The following TPST1 variants were observed in gnomAD, a reference collection of about 807,000 sequenced individuals.
TPST1 encodes tyrosylprotein sulfotransferase 1, also known as protein-tyrosine sulfotransferase 1.
In TPST1, 20 loss-of-function variants were observed where a neutral mutation model predicts 34.8. The observed-to-expected ratio is 0.57, with a 90% confidence interval of 0.40 to 0.84. The LOEUF (loss-of-function observed/expected upper bound fraction) is 0.84. TPST1 is among the 40% of genes least tolerant of loss of function. TPST1 has a pLI of 0.00. For missense variants in TPST1, 353 were observed against 455.5 expected (o/e 0.78, Z 2.05); for synonymous variants, 152 against 159.4 (o/e 0.95, Z 0.35).
chr7:66,358,033 G>A (rs980428945), intron 5 of TPST1, among the ~76,000 whole-genome samples: 32 of 152,152 alleles, frequency 2.1e-4, no homozygotes, highest in African/African-American at 6.5e-4. Context: ...ACAGTAAGCC[G>A]AAATCGTGCC....
At chr7:66,219,595 A>T (rs1361407415) in intron 1 of TPST1, among the ~76,000 whole-genome samples, 1 of 152,228 alleles carries the variant, frequency 6.6e-6, no homozygotes. Flanking sequence ...TGAGGTGGTC[A>T]TGATAGGACA....
chr7:66,351,979 A>G (rs1166696039), intron 3 of TPST1, among the ~76,000 whole-genome samples: 1 of 152,212 alleles, frequency 6.6e-6, no homozygotes, highest in East Asian at 1.9e-4. Context: ...GTTTTTAATT[A>G]TAAGATTTTA....
intron 2 of TPST1, among the ~76,000 whole-genome samples, chr7:66,248,745 C>T (rs1439173639): frequency 1.3e-5 from 2 of 152,068 alleles, no homozygotes; most frequent in East Asian, 1.9e-4. Context: ...GATCTCCTGA[C>T]CTCATGATCC....
rs775282392 is a variant in TPST1 at position 66,359,969 on chromosome 7, T to C, written c.*104T>C. The stretch of plus-strand genomic sequence containing the variant: ...CCCCTGCCAAGCTTGGTGGAGCGTC[T>C]GCACCTTGGCTGCGCCGCCTGTGCA... On this transcript the variant is annotated 3_prime_UTR_variant, in exon 6 of 6. Coordinates refer to ENST00000304842, the MANE Select transcript of TPST1 (RefSeq NM_003596.4). 3.1e-5 allele frequency: 14 copies of C among 456,586 alleles called. No individual in the cohort carries two copies. In the Middle Eastern group the frequency reaches 3.2e-3, roughly 105 times the overall value. The allele number at this position is 456,586 out of a possible 1,614,324, so 28.3% of individuals were successfully genotyped here.
At position 66,240,889 on chromosome 7, in the gene TPST1, A is replaced by C; in HGVS notation, c.464A>C (p.Tyr155Ser). The change falls in exon 2 of 6, where the codon TAT (tyrosine) becomes TCT (serine). Residue 155 changes from tyrosine (Y) to serine (S), a missense_variant. Transcript: ENST00000304842. ...IIVKHGEPAP[Y>S]LCNKDPFALK... ...GTTAAGCATGGGGAGCCAGCCCCTT[A>C]TTTATGTAATAAAGATCCTTTTGCC... 1 of 1,614,186 alleles carries C rather than the reference A, an allele frequency of 6.2e-7. No homozygotes were observed. Among genetic ancestry groups the C allele is most frequent in the Non-Finnish European group, 8.5e-7 (1 of 1,180,036 alleles).
intron 3 of TPST1, among the ~76,000 whole-genome samples, chr7:66,301,153 A>G (rs1156636740): frequency 6.6e-6 from 1 of 152,204 alleles, no homozygotes; most frequent in Non-Finnish European, 1.5e-5. Context: ...AGGTCTCAAC[A>G]GTGGGCTGAA....
chr7:66,285,590 C>A (rs1352138144), intron 2 of TPST1, among the ~76,000 whole-genome samples: 1 of 152,092 alleles, frequency 6.6e-6, no homozygotes, highest in African/African-American at 2.4e-5. Context: ...AGGTTATATT[C>A]TTAATTAAAA....
At position 66,229,698 on chromosome 7, in the gene TPST1, G is replaced by A. The variant is rs374854629; in HGVS notation, c.-101-10627G>A. ...TATATTTACATTTATTGGACTCTGC[G>A]AAACTCTTTTTCACAGTAGATATAT... On this transcript the variant is annotated intron_variant, in intron 1 of 5. Transcript: ENST00000304842. 6.4e-4 allele frequency among the ~76,000 whole-genome samples: 97 copies of A among 152,260 alleles called. No individual in the cohort carries two copies. The South Asian group carries it at 0.019, about 29-fold the overall frequency.
At chr7:66,345,489 CAAAAAAAA>C (rs58837242) in intron 3 of TPST1, among the ~76,000 whole-genome samples, 1 of 64,862 alleles carries the variant, frequency 1.5e-5, no homozygotes, top group Non-Finnish European at 2.7e-5. Flanking sequence ...ACTCCATCTC[CAAAAAAAA>C]AAAAAAAAAA....
chr7:66,300,664 G>A (rs1791295956), intron 3 of TPST1, among the ~76,000 whole-genome samples: 2 of 152,048 alleles, frequency 1.3e-5, no homozygotes, highest in South Asian at 2.1e-4. Flanking sequence ...ATCTTGACAG[G>A]GCCAGGTGCA....
intron 2 of TPST1, among the ~76,000 whole-genome samples, chr7:66,251,022 G>T (rs1356923309): frequency 6.6e-6 from 1 of 152,148 alleles, no homozygotes; most frequent in Non-Finnish European, 1.5e-5. Flanking sequence ...CTTATGAGTT[G>T]TTTATTTCTG....
intron 1 of TPST1, among the ~76,000 whole-genome samples, chr7:66,214,680 G>C (rs928495660): frequency 6.6e-6 from 1 of 150,732 alleles, no homozygotes; most frequent in African/African-American, 2.4e-5. Flanking sequence ...AGCATGGCAT[G>C]GCGGCACACA....
chr7:66,318,087 G>A (rs1791671343), intron 3 of TPST1, among the ~76,000 whole-genome samples: 1 of 152,098 alleles, frequency 6.6e-6, no homozygotes, highest in Admixed American at 6.6e-5. Context: ...TGAACCTGGA[G>A]GCAGAGGTTA....
At chr7:66,269,907 C>T (rs894629982) in intron 2 of TPST1, among the ~76,000 whole-genome samples, 3 of 151,766 alleles carry the variant, frequency 2.0e-5, no homozygotes, top group East Asian at 1.9e-4. Flanking sequence ...ATGTATCCTA[C>T]GGTCTCATGG....
upstream of TPST1, among the ~76,000 whole-genome samples, chr7:66,201,601 G>C (rs1222255015): frequency 1.3e-5 from 2 of 151,864 alleles, no homozygotes; most frequent in Admixed American, 1.3e-4. Context: ...TGATGCAGGA[G>C]AATTGCTTGA....
At chr7:66,316,084 T>TG (rs1791627578) in intron 3 of TPST1, among the ~76,000 whole-genome samples, 1 of 149,666 alleles carries the variant, frequency 6.7e-6, no homozygotes, top group South Asian at 2.1e-4. Flanking sequence ...CACTCCAGCC[T>TG]GGGCAACAAG....
intron 1 of TPST1, among the ~76,000 whole-genome samples, chr7:66,217,035 T>G (rs73140261): frequency 0.089 from 13,507 of 152,284 alleles, 753 homozygotes; most frequent in Non-Finnish European, 0.12. Context: ...TTAATTTTAT[T>G]TCATTTTGGT....
chr7:66,342,869 A>C (rs1461366226), intron 3 of TPST1, among the ~76,000 whole-genome samples: 3 of 152,242 alleles, frequency 2.0e-5, no homozygotes, highest in Admixed American at 2.0e-4. Context: ...AACACTTCCC[A>C]CTAGGCCCCA....
intron 2 of TPST1, among the ~76,000 whole-genome samples, chr7:66,252,246 G>T: frequency 6.6e-6 from 1 of 151,486 alleles, no homozygotes; most frequent in Non-Finnish European, 1.5e-5. Flanking sequence ...TTTTAGTAGA[G>T]ACAGGGTTTC....
Sources: gnomAD v4.1 joint callset for allele counts (sites outside exome capture counted in the v4.1 genomes callset) on GRCh38, gnomAD v4.1.1 for gene constraint, MANE v1.5 for transcripts, NCBI Gene and HGNC (gene_info 2026-07-23, HGNC 2026-07-21) for gene names.